The following GABPA variants were observed in gnomAD, a reference collection of about 807,000 sequenced individuals.
GABPA encodes GA binding protein transcription factor subunit alpha.
In GABPA, 4 loss-of-function variants were observed where a neutral mutation model predicts 59.4. The ratio of observed to expected loss-of-function variants is 0.07; its 90% confidence interval spans 0.03 to 0.15. The LOEUF (loss-of-function observed/expected upper bound fraction) is 0.15, where lower values mean the gene tolerates loss of function less well. GABPA is among the 10% of genes least tolerant of loss of function. GABPA has a pLI of 1.00. For missense variants in GABPA, 251 were observed against 543.8 expected (o/e 0.46, Z 5.36); for synonymous variants, 164 against 183.1 (o/e 0.90, Z 0.84).
intron 4 of GABPA, 123 bp downstream of exon 4, chr21:25,749,243 T>A: frequency 1.6e-6 from 1 of 627,502 alleles, no homozygotes; most frequent in Non-Finnish European, 2.8e-6. Flanking sequence ...TAGCCAAAAT[T>A]CATGCTTTGG....
chr21:25,769,855 T>G lies in GABPA; in HGVS notation c.*623T>G, dbSNP rs2035974874. ...GCAGTGCTGAAGGAGGAGATCCAGG[T>G]TTAAATCTGGCTTATTAACTCAAGC... is the stretch of plus-strand genomic sequence containing the variant. On this transcript the variant is annotated 3_prime_UTR_variant, in exon 10 of 10. Transcript: ENST00000400075. 6.6e-6 allele frequency: 1 copy of G among 152,624 alleles called. No homozygotes were observed. Among genetic ancestry groups the G allele is most frequent in the African/African-American group, 2.4e-5 (1 of 41,452 alleles). 9.5% of individuals were successfully genotyped at this position (152,624 alleles called of 1,614,324 possible).
In GABPA at chr21:25,758,628, A is replaced by G. The variant is rs796350472; in HGVS notation, c.748+424A>G. ...GAAACGGAAGAGATCATTTGTTTACAGGTGGCTTCCTACCCATTCTCTTCA... is the reference window on the plus strand; with the variant it reads ...GAAACGGAAGAGATCATTTGTTTACGGGTGGCTTCCTACCCATTCTCTTCA... On this transcript the variant is annotated intron_variant, in intron 6 of 9. Transcript: ENST00000400075. 6.6e-5 allele frequency among the ~76,000 whole-genome samples: 10 copies of G among 152,356 alleles called. 1 individual carries two copies. Among genetic ancestry groups the G allele is most frequent in the African/African-American group, 2.4e-4 (10 of 41,594 alleles).
intron 6 of GABPA, among the ~76,000 whole-genome samples, chr21:25,759,447 T>C (rs1336115231): frequency 6.6e-6 from 1 of 152,166 alleles, no homozygotes; most frequent in Non-Finnish European, 1.5e-5. Context: ...GGCTCACTCC[T>C]GTAACCCCAG....
chr21:25,738,061 A>C (rs1478057482), intron 1 of GABPA, among the ~76,000 whole-genome samples: 1 of 152,178 alleles, frequency 6.6e-6, no homozygotes, highest in East Asian at 1.9e-4. Context: ...TGGAATGCTT[A>C]GTTAGGGATG....
intron 6 of GABPA, among the ~76,000 whole-genome samples, chr21:25,761,487 G>T (rs1257887287): frequency 6.6e-6 from 1 of 152,140 alleles, no homozygotes; most frequent in African/African-American, 2.4e-5. Context: ...AGCTCTGCGT[G>T]TCTGGAACTG....
intron 4 of GABPA, among the ~76,000 whole-genome samples, chr21:25,750,639 A>G (rs1490488459): frequency 6.6e-6 from 1 of 152,230 alleles, no homozygotes; most frequent in African/African-American, 2.4e-5. Context: ...CTCTGAACAT[A>G]TATTGTTCAC....
In GABPA at chr21:25,749,101, A is replaced by G; in HGVS notation, c.288A>G (p.Val96=). Residue 96 remains valine, a synonymous_variant, in exon 4 of 10, where the codon GTA becomes GTG. Coordinates refer to ENST00000400075, the MANE Select transcript of GABPA (RefSeq NM_002040.4). ...VKTDGTVQLS[V]QVISYQGIEP... ...CAGATGGAACTGTACAGCTTAGTGT[A>G]CAGGTAATTTCTTACCAAGGTAAGT... 1 of 1,590,418 alleles carries G rather than the reference A, an allele frequency of 6.3e-7. No individual in the cohort carries two copies. Among genetic ancestry groups the G allele is most frequent in the Non-Finnish European group, 8.6e-7 (1 of 1,162,172 alleles).
intron 9 of GABPA, among the ~76,000 whole-genome samples, chr21:25,767,651 A>C (rs1293971852): frequency 6.6e-6 from 1 of 151,994 alleles, no homozygotes; most frequent in Non-Finnish European, 1.5e-5. Flanking sequence ...ATAGTCTTAC[A>C]TATTAATGTA....
chr21:25,746,147 G>A lies in GABPA; in HGVS notation c.222+793G>A, dbSNP rs925445746. ...CTGCCTCAGCCTCCTGAGTAGCTGG[G>A]ACTACTACAGGCCGATGCTTCCACA... On this transcript the variant is annotated intron_variant, in intron 3 of 9. Transcript: ENST00000400075. Among the ~76,000 whole-genome samples, 8 of 151,992 alleles carry A rather than the reference G, an allele frequency of 5.3e-5. No individual in the cohort carries two copies. In the South Asian group the frequency reaches 1.7e-3, roughly 32 times the overall value.
At chr21:25,742,720 C>A (rs1024093356) in intron 2 of GABPA, among the ~76,000 whole-genome samples, 2 of 150,124 alleles carry the variant, frequency 1.3e-5, no homozygotes, top group African/African-American at 4.9e-5. Context: ...TCAAGACCAG[C>A]CTGGGCAGCA....
intron 7 of GABPA, 68 bp downstream of exon 7, chr21:25,762,433 AAAAAGG>A (rs1455206106): frequency 1.4e-5 from 16 of 1,170,982 alleles, no homozygotes; most frequent in Non-Finnish European, 1.8e-5. Context: ...GCAAGGTAAT[AAAAAGG>A]AAAATTATTT....
intron 5 of GABPA, among the ~76,000 whole-genome samples, chr21:25,755,453 A>AGG (rs1555878291): frequency 1.7e-4 from 24 of 145,248 alleles, no homozygotes; most frequent in South Asian, 6.5e-4. Context: ...AAAAAAAAAA[A>AGG]GGGCAAAGAA....
intron 6 of GABPA, among the ~76,000 whole-genome samples, chr21:25,761,251 A>G (rs969945236): frequency 6.6e-6 from 1 of 152,172 alleles, no homozygotes; most frequent in African/African-American, 2.4e-5. Flanking sequence ...AATCCTCACA[A>G]TAACCTCATG....
At chr21:25,747,075 T>G (rs1253156799) in intron 3 of GABPA, among the ~76,000 whole-genome samples, 1 of 152,212 alleles carries the variant, frequency 6.6e-6, no homozygotes, top group East Asian at 1.9e-4. Flanking sequence ...TCTGCAGATG[T>G]AGAAACAGAT....
At chr21:25,755,630 C>A (rs1220740584) in intron 5 of GABPA, among the ~76,000 whole-genome samples, 2 of 152,038 alleles carry the variant, frequency 1.3e-5, no homozygotes, top group African/African-American at 2.4e-5. Context: ...CGGTCTCACT[C>A]TTCAGTTTAT....
rs1282928779 is a variant in GABPA, at chr21:25,772,243, C to T, written c.*3011C>T. Reference sequence around the variant, plus strand: ...TGCCAGGAAAAACAAAATTCTCAATCTTTTGTAAATGGGAGGAGGACTTTT... The same window carrying T: ...TGCCAGGAAAAACAAAATTCTCAATTTTTTGTAAATGGGAGGAGGACTTTT... On this transcript the variant is annotated 3_prime_UTR_variant, in exon 10 of 10. Coordinates refer to ENST00000400075, the MANE Select transcript of GABPA (RefSeq NM_002040.4). The T allele has an allele frequency of 3.9e-5, 6 of 152,006 alleles. No homozygotes were observed. The highest frequency in any genetic ancestry group is 1.4e-4 in the African/African-American group (6 of 41,400). The allele number at this position is 152,006 out of a possible 1,614,324, so 9.4% of individuals were successfully genotyped here. A position where few individuals can be genotyped will look rare whatever the true frequency, so the allele number is the denominator to read the frequency against.
intron 3 of GABPA, among the ~76,000 whole-genome samples, chr21:25,746,998 A>G (rs1213067110): frequency 6.6e-6 from 1 of 152,198 alleles, no homozygotes; most frequent in African/African-American, 2.4e-5. Flanking sequence ...AAATACTTAC[A>G]AAACACTCTA....
Position 25,737,001 on chromosome 21 carries a change from A to C in GABPA, c.-27+1423A>C, listed in dbSNP as rs567778617. 2.6e-5 allele frequency among the ~76,000 whole-genome samples: 4 copies of C among 152,344 alleles called. No homozygotes were observed. In the East Asian group the frequency reaches 7.7e-4, roughly 29 times the overall value. The stretch of plus-strand genomic sequence containing the variant: ...ACAAAATGTTCTAAGCTCTGTAATA[A>C]TGCTCTCCAATGAAGGACAATTCTC... On this transcript the variant is annotated intron_variant, in intron 1 of 9. Transcript: ENST00000400075.
rs770113865 is a variant in GABPA, at chr21:25,764,289, C to T, written c.882C>T (p.Ala294=). 1 of 1,612,408 alleles carries T rather than the reference C, an allele frequency of 6.2e-7. No homozygotes were observed. Among genetic ancestry groups the T allele is most frequent in the Admixed American group, 1.7e-5 (1 of 59,858 alleles). Residue 294 remains alanine, a synonymous_variant, in exon 8 of 10, where the codon GCC becomes GCT. Coordinates refer to ENST00000400075, the MANE Select transcript of GABPA (RefSeq NM_002040.4). ...IKVINSSAKA[A]KVQRAPRISG... ...TTATAAATAGTAGTGCGAAAGCAGC[C>T]AAAGTACAAAGAGCGCCGAGGATTT...
Sources: allele counts gnomAD v4.1 joint callset (sites outside exome capture counted in the v4.1 genomes callset), GRCh38; gene constraint gnomAD v4.1.1; transcripts MANE v1.5; gene names NCBI Gene and HGNC (gene_info 2026-07-23, HGNC 2026-07-21).